Variants in PRH1 observed in about 807,000 individuals in gnomAD.
The protein encoded by PRH1 is proline rich protein HaeIII subfamily 1.
PRH1 carries 7 observed loss-of-function variants against 7.9 expected under a neutral mutation model. The observed-to-expected ratio is 0.89, with a 90% CI of 0.50 to 1.67. The LOEUF is 1.67. Ranked by LOEUF, PRH1 falls within the 40% of genes most tolerant of loss-of-function variation. The probability of loss-of-function intolerance (pLI) is 0.00; values close to 1 mark genes in which losing one functional copy is unlikely to be tolerated. For missense variants in PRH1, 109 were observed against 223.6 expected (o/e 0.49, Z 3.27); for synonymous variants, 45 against 80.8 (o/e 0.56, Z 2.38).
At position 10,908,677 on chromosome 12, in the gene PRH1, G is replaced by A. The variant is rs769858966; in HGVS notation, c.-58-24402C>T. On this transcript the variant is annotated intron_variant, in intron 2 of 3. Coordinates refer to the PRH1 transcript ENST00000539853. ...TAATTGAGTTGCATTTTCTGGAGAT[G>A]TTTCTGCAGGGAGAAAATTAACAGG... 11 of 1,613,776 alleles carry A rather than the reference G, an allele frequency of 6.8e-6. No individual in the cohort carries two copies. The African/African-American group carries it at 1.1e-4, about 16-fold the overall frequency.
chr12:11,032,648 A>G (rs1942276391), intron 1 of PRH1, among the ~76,000 whole-genome samples: 1 of 152,186 alleles, frequency 6.6e-6, no homozygotes, highest in Non-Finnish European at 1.5e-5. Context: ...ATATTTATTT[A>G]TCAAAAACAT....
intron 2 of PRH1, among the ~76,000 whole-genome samples, chr12:10,960,098 G>A (rs1161303245): frequency 1.3e-5 from 2 of 152,216 alleles, no homozygotes; most frequent in African/African-American, 2.4e-5. Flanking sequence ...GACAGCAACA[G>A]CCTCATTGGA....
intron 1 of PRH1, among the ~76,000 whole-genome samples, chr12:11,170,899 T>A (rs1458973333): frequency 5.3e-5 from 8 of 152,158 alleles, no homozygotes; most frequent in Non-Finnish European, 1.2e-4. Flanking sequence ...GTAGGAATCA[T>A]CTTGCCCTAA....
intron 2 of PRH1, among the ~76,000 whole-genome samples, chr12:10,950,803 A>ATTT (rs934375943): frequency 6.6e-6 from 1 of 152,114 alleles, no homozygotes; most frequent in Admixed American, 6.5e-5. Context: ...ATGATTATAC[A>ATTT]TTTAATATAG....
At chr12:11,152,777 T>C (rs1740027652) in intron 1 of PRH1, among the ~76,000 whole-genome samples, 1 of 152,202 alleles carries the variant, frequency 6.6e-6, no homozygotes, top group African/African-American at 2.4e-5. Context: ...ATTAGCAGAA[T>C]GTATATGAGC....
downstream of PRH1, among the ~76,000 whole-genome samples, chr12:11,118,213 T>C (rs932416651): frequency 6.6e-6 from 1 of 152,100 alleles, no homozygotes; most frequent in African/African-American, 2.4e-5. Context: ...CTTAAACAAC[T>C]GTATAGGAAA....
intron 2 of PRH1, among the ~76,000 whole-genome samples, chr12:10,967,569 C>T (rs191660568): frequency 6.6e-6 from 1 of 152,180 alleles, no homozygotes; most frequent in African/African-American, 2.4e-5. Flanking sequence ...AAAGCTTCGT[C>T]TAGGCCTTAT....
intron 1 of PRH1, among the ~76,000 whole-genome samples, chr12:10,973,954 G>A (rs542446809): frequency 1.3e-5 from 2 of 152,208 alleles, no homozygotes; most frequent in Admixed American, 6.5e-5. Flanking sequence ...AGCACCTAGA[G>A]AAATAATTTA....
chr12:10,996,261 G>A (rs1403010879), intron 1 of PRH1, among the ~76,000 whole-genome samples: 1 of 151,710 alleles, frequency 6.6e-6, no homozygotes, highest in African/African-American at 2.4e-5. Context: ...CCCCAGAGGT[G>A]AACGTTGTGG....
At chr12:10,966,293 C>T (rs537466832) in intron 2 of PRH1, among the ~76,000 whole-genome samples, 2 of 152,144 alleles carry the variant, frequency 1.3e-5, no homozygotes, top group Non-Finnish European at 2.9e-5. Flanking sequence ...GACATATAAT[C>T]TTGCAGTATT....
chr12:11,022,048 G>A (rs201930669), intron 1 of PRH1: 10 of 1,613,806 alleles, frequency 6.2e-6, no homozygotes, highest in Non-Finnish European at 8.5e-6. Flanking sequence ...AGTCAAGCTT[G>A]AAAGGTGTAT....
chr12:10,890,905 A>G (rs1430706711), intron 2 of PRH1, among the ~76,000 whole-genome samples: 1 of 149,162 alleles, frequency 6.7e-6, no homozygotes, highest in Non-Finnish European at 1.5e-5. Flanking sequence ...TCTCTTTTGT[A>G]TTTCCTCACA....
chr12:11,131,447 G>A (rs1490436594), intron 1 of PRH1, among the ~76,000 whole-genome samples: 2 of 152,076 alleles, frequency 1.3e-5, no homozygotes. Flanking sequence ...TTAATATCAG[G>A]TATTACGTTA....
At chr12:11,017,729 G>C (rs1941367969) in intron 1 of PRH1, among the ~76,000 whole-genome samples, 1 of 152,060 alleles carries the variant, frequency 6.6e-6, no homozygotes, top group African/African-American at 2.4e-5. Flanking sequence ...CTGGCCTCCA[G>C]TGATCTGCCT....
rs774533251 is a variant in PRH1 at position 11,062,000 on chromosome 12, C to G, written n.124-14812G>C. 14 of 1,613,732 alleles carry G rather than the reference C, an allele frequency of 8.7e-6. No individual in the cohort carries two copies. Among genetic ancestry groups the G allele is most frequent in the African/African-American group, 2.7e-5 (2 of 74,882 alleles). The stretch of plus-strand genomic sequence containing the variant: ...AAATAAAATATGCTGAGGCTAGTAG[C>G]AAGCCAGTTGCTGAAATGGTTGATT... On this transcript the variant is annotated intron_variant and non_coding_transcript_variant, in intron 1 of 4. Transcript: ENST00000541977.
intron 1 of PRH1, among the ~76,000 whole-genome samples, chr12:11,068,073 A>G (rs1274366640): frequency 6.6e-6 from 1 of 151,954 alleles, no homozygotes; most frequent in East Asian, 1.9e-4. Flanking sequence ...GGAGCATAAT[A>G]AAACCTAATA....
At chr12:10,995,337 C>G (rs1940167230) in intron 1 of PRH1, among the ~76,000 whole-genome samples, 1 of 149,508 alleles carries the variant, frequency 6.7e-6, no homozygotes, top group Non-Finnish European at 1.5e-5. Context: ...ATATGATAAA[C>G]AAACAAATCA....
At chr12:11,058,918 C>A (rs1233618121) in intron 1 of PRH1, among the ~76,000 whole-genome samples, 1 of 152,194 alleles carries the variant, frequency 6.6e-6, no homozygotes, top group Non-Finnish European at 1.5e-5. Flanking sequence ...CATGTGCTTT[C>A]TTAGATTCCC....
At chr12:10,906,567 A>C (rs1949806625) in intron 2 of PRH1, among the ~76,000 whole-genome samples, 1 of 152,152 alleles carries the variant, frequency 6.6e-6, no homozygotes, top group Non-Finnish European at 1.5e-5. Flanking sequence ...GTGTTATGGG[A>C]GGGACTCAGT....
Sources: gnomAD v4.1 joint callset for allele counts (sites outside exome capture counted in the v4.1 genomes callset) on GRCh38, gnomAD v4.1.1 for gene constraint, MANE v1.5 for transcripts, NCBI Gene and HGNC (gene_info 2026-07-23, HGNC 2026-07-21) for gene names.